The following TLCD3B variants were observed in gnomAD, a reference collection of about 807,000 sequenced individuals.
The protein encoded by TLCD3B is ceramide synthase.
TLCD3B carries 9 observed loss-of-function variants against 23.0 expected under a neutral mutation model. The ratio of observed to expected loss-of-function variants is 0.39; its 90% confidence interval spans 0.24 to 0.68. The LOEUF (loss-of-function observed/expected upper bound fraction) is 0.68, where lower values mean the gene tolerates loss of function less well. TLCD3B is among the 30% of genes least tolerant of loss of function. The probability of loss-of-function intolerance (pLI) is 0.44; values close to 1 mark genes in which losing one functional copy is unlikely to be tolerated. For missense variants in TLCD3B, 307 were observed against 371.8 expected, an observed-to-expected ratio of 0.83 and a Z score of 1.43; for synonymous variants, 161 against 161.0, an observed-to-expected ratio of 1.00 and a Z score of 0.00.
At chr16:30,039,103 C>CTTTTTTTTTTTTTTTTTTTTTTT in intron 3 of TLCD3B, among the ~76,000 whole-genome samples, 1 of 99,616 alleles carries the variant, frequency 1.0e-5, no homozygotes, top group Non-Finnish European at 1.9e-5. Context: ...TCCTTCCTCT[C>CTTTTTTTTTTTTTTTTTTTTTTT]TTTTTTTTTT....
chr16:30,050,750 G>A (rs2071737311), intron 1 of TLCD3B, among the ~76,000 whole-genome samples: 1 of 152,198 alleles, frequency 6.6e-6, no homozygotes, highest in African/African-American at 2.4e-5. Flanking sequence ...CAGGGACACA[G>A]CCCCTGGCAG....
At chr16:30,036,391 A>G (rs2071474297) in intron 3 of TLCD3B, 1 of 1,286,498 alleles carries the variant, frequency 7.8e-7, no homozygotes, top group Non-Finnish European at 1.0e-6. Context: ...TTGTTTAGAA[A>G]GACCTCCCCT....
chr16:30,029,602 G>A lies in TLCD3B; in HGVS notation c.126-87C>T, dbSNP rs1012848561. ...TCCTCGTTGCTAGTCTAACGACTGC[G>A]CTTTGCGTTCAGCCACTTCTCGGGC... On this transcript the variant is annotated intron_variant, in intron 1 of 4. Coordinates refer to ENST00000380495, the MANE Select transcript of TLCD3B (RefSeq NM_031478.6). The surrounding 1 kb of genome is among the most constrained non-coding windows in gnomAD (Gnocchi z 4.6). 6 of 1,177,754 alleles carry A rather than the reference G, an allele frequency of 5.1e-6. No individual in the cohort carries two copies. Among genetic ancestry groups the A allele is most frequent in the East Asian group, 2.5e-5 (1 of 39,724 alleles). The allele number at this position is 1,177,754 out of a possible 1,614,324, so 73.0% of individuals were successfully genotyped here. A position where few individuals can be genotyped will look rare whatever the true frequency, so the allele number is the denominator to read the frequency against.
chr16:30,028,674 A>AC (rs564899844), intron 2 of TLCD3B, among the ~76,000 whole-genome samples: 10 of 152,052 alleles, frequency 6.6e-5, no homozygotes, highest in African/African-American at 1.9e-4. Flanking sequence ...GAAACAGGGC[A>AC]CCCCCCATCA....
upstream of TLCD3B, chr16:30,032,610 T>TACAGAAGAA (rs1300998431): frequency 4.6e-5 from 7 of 151,750 alleles, no homozygotes; most frequent in African/African-American, 1.4e-4. Context: ...ATCCCTGTTT[T>TACAGAAGAA]ACAGAAGAAA....
At chr16:30,050,023 G>A (rs1227043099) in intron 1 of TLCD3B, among the ~76,000 whole-genome samples, 2 of 152,106 alleles carry the variant, frequency 1.3e-5, no homozygotes, top group Non-Finnish European at 2.9e-5. Flanking sequence ...CACAAGCCTG[G>A]GGCACTGCCC....
chr16:30,037,107 T>TA (rs1222610386), intron 3 of TLCD3B, among the ~76,000 whole-genome samples: 1 of 147,666 alleles, frequency 6.8e-6, no homozygotes, highest in Non-Finnish European at 1.5e-5. Flanking sequence ...AATAAATAAA[T>TA]AATAAAATAA....
At chr16:30,028,526 C>G (rs960591222) in intron 2 of TLCD3B, among the ~76,000 whole-genome samples, 2 of 152,156 alleles carry the variant, frequency 1.3e-5, no homozygotes, top group African/African-American at 2.4e-5. Context: ...TGGGCGGGGT[C>G]TGAAGAAAGA....
At chr16:30,039,349 C>T (rs2071538076) in intron 3 of TLCD3B, among the ~76,000 whole-genome samples, 1 of 152,026 alleles carries the variant, frequency 6.6e-6, no homozygotes, top group Non-Finnish European at 1.5e-5. Context: ...TCTCGAACTC[C>T]TGATCTCAGG....
At chr16:30,049,084 G>A (rs139204714) in intron 1 of TLCD3B, among the ~76,000 whole-genome samples, 2 of 151,960 alleles carry the variant, frequency 1.3e-5, no homozygotes, top group South Asian at 2.1e-4. Context: ...GGTTTTTTTC[G>A]TTTTGTTTCC....
chr16:30,026,675 CA>C lies in TLCD3B; in HGVS notation c.377del (p.Leu126ArgfsTer38), dbSNP rs1160272447. On this transcript the variant is annotated frameshift_variant, in exon 3 of 5. Transcript: ENST00000380495. LOFTEE classifies it high-confidence loss of function. ...GSTWAIARGY[L>X]HKEFLMVLHH... Reference sequence around the variant, plus strand: ...GGAGCACCATGAGGAACTCCTTGTGCAGGTAGCCACGCGCTATGGCCCACGT... The same window carrying C: ...GGAGCACCATGAGGAACTCCTTGTGCGGTAGCCACGCGCTATGGCCCACGT... 1 of 1,613,920 alleles carries C rather than the reference CA, an allele frequency of 6.2e-7. No homozygotes were observed. Among genetic ancestry groups the C allele is most frequent in the South Asian group, 1.1e-5 (1 of 91,078 alleles).
chr16:30,037,482 G>A (rs2071496045), intron 3 of TLCD3B, among the ~76,000 whole-genome samples: 1 of 151,216 alleles, frequency 6.6e-6, no homozygotes, highest in Non-Finnish European at 1.5e-5. Context: ...GGCGGAGCTT[G>A]CAGTGAGCCG....
intron 3 of TLCD3B, chr16:30,036,345 AG>A (rs1567305809): frequency 2.3e-6 from 3 of 1,288,630 alleles, no homozygotes; most frequent in Non-Finnish European, 3.0e-6. Flanking sequence ...AACAGGTGCA[AG>A]CCTGAAACTA....
intron 1 of TLCD3B, among the ~76,000 whole-genome samples, chr16:30,047,813 G>T (rs968816953): frequency 6.6e-6 from 1 of 151,404 alleles, no homozygotes; most frequent in African/African-American, 2.4e-5. Context: ...ATGCTGGAGT[G>T]GAGTGGTGTA....
At position 30,030,433 on chromosome 16, in the gene TLCD3B, T is replaced by C; in HGVS notation, c.95A>G (p.Glu32Gly). Residue 32 changes from glutamate (E) to glycine (G), a missense_variant, in exon 1 of 5, where the codon GAG becomes GGG. By Grantham distance (98) the Glu-to-Gly change is moderately conservative. Coordinates refer to ENST00000380495, the MANE Select transcript of TLCD3B (RefSeq NM_031478.6). Reference sequence around the variant, plus strand: ...TGAGACAATGACTGCGTCGGCCTCCTCCCAGCGTAGCTGGGGCAGCCGCTG... The same window carrying C: ...TGAGACAATGACTGCGTCGGCCTCCCCCCAGCGTAGCTGGGGCAGCCGCTG... ...TLQRLPQLRW[E>G]EADAVIVSAR... is the part of the protein sequence containing the mutation. The C allele has an allele frequency of 2.5e-6, 4 of 1,601,904 alleles. No individual in the cohort carries two copies. The highest frequency in any genetic ancestry group is 1.1e-5 in the South Asian group (1 of 89,790).
At chr16:30,037,542 C>CAA (rs78393499) in intron 3 of TLCD3B, among the ~76,000 whole-genome samples, 1,287 of 80,142 alleles carry the variant, frequency 0.016, 15 homozygotes, top group African/African-American at 0.051. Flanking sequence ...GACTGTGTTT[C>CAA]AAAAAAAAAA....
chr16:30,044,301 C>T (rs1360016872), intron 2 of TLCD3B, among the ~76,000 whole-genome samples: 3 of 151,072 alleles, frequency 2.0e-5, no homozygotes, highest in African/African-American at 7.3e-5. Flanking sequence ...CTAAACTAAC[C>T]ATGTACTTTA....
chr16:30,040,335 T>G (rs1226417488), intron 3 of TLCD3B, among the ~76,000 whole-genome samples: 1 of 151,936 alleles, frequency 6.6e-6, no homozygotes, highest in East Asian at 1.9e-4. Context: ...ACCCACTGTA[T>G]GCCAGGCACC....
upstream of TLCD3B, among the ~76,000 whole-genome samples, chr16:30,034,700 A>G (rs2071432723): frequency 6.6e-6 from 1 of 152,118 alleles, no homozygotes; most frequent in South Asian, 2.1e-4. Context: ...TCCAGCCTAT[A>G]TCATCCCTGC....
Sources: gnomAD v4.1 joint callset for allele counts (sites outside exome capture counted in the v4.1 genomes callset) on GRCh38, gnomAD v4.1.1 for gene constraint, Gnocchi (gnomAD v3.1) non-coding constraint, MANE v1.5 for transcripts, NCBI Gene and HGNC (gene_info 2026-07-23, HGNC 2026-07-21) for gene names.